Variants in LMLN observed in about 807,000 individuals in gnomAD.
The protein encoded by LMLN is leishmanolysin-like peptidase.
LMLN carries 70 observed loss-of-function variants against 92.3 expected under a neutral mutation model. That is an observed-to-expected ratio of 0.76 (90% CI 0.63 to 0.92). LMLN has a LOEUF of 0.92. LMLN is among the 40% of genes least tolerant of loss of function. LMLN has a pLI of 0.00. For synonymous variants in LMLN, 308 were observed against 296.2 expected (o/e 1.04, Z -0.41); for missense variants, 691 against 814.6 (o/e 0.85, Z 1.85).
chr3:198,006,961 T>C (rs1240570218), intron 11 of LMLN, among the ~76,000 whole-genome samples: 1 of 152,244 alleles, frequency 6.6e-6, no homozygotes, highest in African/African-American at 2.4e-5. Context: ...TCCACCTGCC[T>C]CAGCCTCCCA....
intron 13 of LMLN, among the ~76,000 whole-genome samples, chr3:198,023,091 C>T (rs983995035): frequency 1.8e-4 from 27 of 152,076 alleles, no homozygotes; most frequent in African/African-American, 6.0e-4. Flanking sequence ...TCAGCTCAGC[C>T]GTTACCGTCT....
chr3:198,043,617 T>A (rs1300804202), exon 16 of LMLN: 1 of 152,676 alleles, frequency 6.5e-6, no homozygotes, highest in Non-Finnish European at 1.5e-5. Flanking sequence ...GTTTACATTT[T>A]TAATAAGTAA....
At chr3:197,994,891 G>A (rs1472888219) in intron 9 of LMLN, among the ~76,000 whole-genome samples, 1 of 152,232 alleles carries the variant, frequency 6.6e-6, no homozygotes, top group African/African-American at 2.4e-5. Flanking sequence ...TTGTCAAAGA[G>A]ATGTTTGCAC....
At chr3:197,986,949 C>G (rs1356311844) in intron 8 of LMLN, among the ~76,000 whole-genome samples, 1 of 136,116 alleles carries the variant, frequency 7.3e-6, no homozygotes, top group Non-Finnish European at 1.6e-5. Flanking sequence ...ACGCCATTCT[C>G]CTGCCTCAGC....
chr3:198,020,358 T>G (rs1722744721), intron 12 of LMLN, among the ~76,000 whole-genome samples: 1 of 152,210 alleles, frequency 6.6e-6, no homozygotes. Context: ...TTACCTGCCA[T>G]TTATAAAGGA....
intron 10 of LMLN, 28 bp downstream of exon 10, chr3:197,996,310 C>G: frequency 7.6e-7 from 1 of 1,318,946 alleles, no homozygotes; most frequent in South Asian, 1.3e-5. Flanking sequence ...TTTTCCTAGA[C>G]TTTATTTAAT....
At chr3:197,960,262 G>A (rs527503554) in exon 1 of LMLN, 1 of 1,613,294 alleles carries the variant, frequency 6.2e-7, no homozygotes, top group East Asian at 2.2e-5. Context: ...GCCGAATGGG[G>A]CGGAGGAGTG....
chr3:198,038,374 C>T, intron 15 of LMLN, 193 bp from the exon 17 acceptor site: 2 of 519,662 alleles, frequency 3.8e-6, no homozygotes, highest in South Asian at 2.5e-5. Flanking sequence ...TCATTTCTTC[C>T]TCCATATATA....
exon 5 of LMLN, chr3:197,976,675 C>A: frequency 6.3e-7 from 1 of 1,586,804 alleles, no homozygotes; most frequent in South Asian, 1.1e-5. Context: ...GCCGCACACA[C>A]AAAGTGCGGC....
chr3:197,965,720 C>A (rs1416685888), intron 1 of LMLN, among the ~76,000 whole-genome samples: 1 of 152,090 alleles, frequency 6.6e-6, no homozygotes, highest in African/African-American at 2.4e-5. Flanking sequence ...TCAAGACCAG[C>A]CTGGGCAACT....
At chr3:198,013,522 G>A (rs1240555254) in intron 11 of LMLN, among the ~76,000 whole-genome samples, 15 of 134,688 alleles carry the variant, frequency 1.1e-4, no homozygotes, top group Admixed American at 9.8e-4. Flanking sequence ...CTCCTAACTA[G>A]TCTGACTTCT....
rs769180329 is a variant in LMLN, at chr3:198,024,813, G to A, written c.1656+25G>A. ...GGTAAGCTTATGTTTGTTATTAGTT[G>A]TGCCAAATATTATGTGATTTTATCT... On this transcript the variant is annotated intron_variant, in intron 14 of 15. Coordinates refer to ENST00000330198, the Ensembl canonical transcript of LMLN. The A allele has an allele frequency of 3.2e-6, 5 of 1,572,024 alleles. No homozygotes were observed. In the African/African-American group the frequency reaches 6.9e-5, roughly 22 times the overall value.
chr3:198,037,189 A>C (rs1000397904), intron 15 of LMLN, among the ~76,000 whole-genome samples: 3 of 152,234 alleles, frequency 2.0e-5, no homozygotes, highest in Admixed American at 6.5e-5. Context: ...GAAATGATGC[A>C]GAGCAAAATC....
chr3:197,990,527 GTAA>G, intron 8 of LMLN, 29 bp from the exon 9 acceptor site: 2 of 913,366 alleles, frequency 2.2e-6, no homozygotes, highest in Non-Finnish European at 3.6e-6. Context: ...TGAATTTTCA[GTAA>G]TAATTGTGTT....
At chr3:198,038,962 TTCATCAGCAACC>T in exon 16 of LMLN, 2 of 309,308 alleles carry the variant, frequency 6.5e-6, no homozygotes, top group Non-Finnish European at 1.2e-5. Context: ...CCCAGCCACC[TTCATCAGCAACC>T]CAACCACCTC....
intron 1 of LMLN, among the ~76,000 whole-genome samples, chr3:197,966,856 A>G (rs933346286): frequency 7.2e-5 from 11 of 152,110 alleles, no homozygotes; most frequent in Non-Finnish European, 1.2e-4. Flanking sequence ...TAGTGGCACA[A>G]TCATAGCTCA....
At position 197,986,746 on chromosome 3, in the gene LMLN, A is replaced by G. The variant is rs539227604; in HGVS notation, c.929+856A>G. Among the ~76,000 whole-genome samples the G allele has an allele frequency of 1.9e-3, 282 of 152,354 alleles. 1 individual carries two copies. The highest frequency in any genetic ancestry group is 3.3e-3 in the Non-Finnish European group (223 of 68,038). ...GAACAGATAACGTGATAACAAATAC[A>G]ACAAAATGTTAATTACAGAATCTAG... is the stretch of plus-strand genomic sequence containing the variant. On this transcript the variant is annotated intron_variant, in intron 8 of 15. Coordinates refer to ENST00000330198, the Ensembl canonical transcript of LMLN.
Position 198,024,656 on chromosome 3 carries a change from A to C in LMLN, c.1526-2A>C, listed in dbSNP as rs746194949. 1 of 1,563,246 alleles carries C rather than the reference A, an allele frequency of 6.4e-7. No homozygotes were observed. The highest frequency in any genetic ancestry group is 8.6e-7 in the Non-Finnish European group (1 of 1,160,268). On this transcript the variant is annotated splice_acceptor_variant, in intron 13 of 15. Transcript: ENST00000330198. LOFTEE classifies it high-confidence loss of function. The stretch of plus-strand genomic sequence containing the variant: ...TAAGGAGACTTTTCTTCTTTGCCTC[A>C]GAAATTTTTAAGAACTATGGCGCTG...
At chr3:198,038,681 G>A in exon 16 of LMLN, 1 of 1,542,162 alleles carries the variant, frequency 6.5e-7, no homozygotes, top group Non-Finnish European at 9.0e-7. Flanking sequence ...TGGAAAAGTG[G>A]ATCTTCAAGA....
Sources: allele counts gnomAD v4.1 joint callset (sites outside exome capture counted in the v4.1 genomes callset), GRCh38; gene constraint gnomAD v4.1.1; transcripts MANE v1.5; gene names NCBI Gene and HGNC (gene_info 2026-07-23, HGNC 2026-07-21).